Variants in SLC30A6 observed in about 807,000 individuals in gnomAD.
The protein encoded by SLC30A6 is solute carrier family 30 member 6.
Under a neutral mutation model 63.0 loss-of-function variants are expected in SLC30A6, and 55 were observed. The ratio of observed to expected loss-of-function variants is 0.87; its 90% confidence interval spans 0.70 to 1.09. The LOEUF (loss-of-function observed/expected upper bound fraction) is 1.09, where lower values mean the gene tolerates loss of function less well. SLC30A6 is among the 50% of genes least tolerant of loss of function. The pLI is 0.00. For synonymous variants in SLC30A6, 224 were observed against 186.1 expected (o/e 1.20, Z -1.66); for missense variants, 587 against 549.2 (o/e 1.07, Z -0.69).
intron 11 of SLC30A6, among the ~76,000 whole-genome samples, chr2:32,204,928 C>T (rs1213879525): frequency 6.6e-6 from 1 of 151,546 alleles, no homozygotes; most frequent in Non-Finnish European, 1.5e-5. Flanking sequence ...ACCCTCCCAC[C>T]TCAGTCTCCT....
At chr2:32,175,041 A>G (rs1681603764) in intron 3 of SLC30A6, among the ~76,000 whole-genome samples, 2 of 152,072 alleles carry the variant, frequency 1.3e-5, no homozygotes, top group African/African-American at 4.8e-5. Flanking sequence ...CGCTGAGATT[A>G]CAGAAGCAGG....
Position 32,170,126 on chromosome 2 carries a change from GCTT to G in SLC30A6, c.4-1157_4-1155del, listed in dbSNP as rs1466127884. Among the ~76,000 whole-genome samples, 9 of 151,974 alleles carry G rather than the reference GCTT, an allele frequency of 5.9e-5. No homozygotes were observed. In the East Asian group the frequency reaches 1.7e-3, roughly 29 times the overall value. On this transcript the variant is annotated intron_variant, in intron 1 of 13. Transcript: ENST00000282587. ...AATCAATCAATTTTTTTCCTTTAGAGCTTCTTGGGTTTTATGCCCTATTAAGAA... is the reference window on the plus strand; with the variant it reads ...AATCAATCAATTTTTTTCCTTTAGAGCTTGGGTTTTATGCCCTATTAAGAA...
Position 32,174,055 on chromosome 2 carries a change from T to C in SLC30A6, c.91-8T>C, listed in dbSNP as rs758394969. The C allele has an allele frequency of 6.2e-7, 1 of 1,609,618 alleles. No individual in the cohort carries two copies. On this transcript the variant is annotated splice_polypyrimidine_tract_variant and splice_region_variant and intron_variant, in intron 2 of 13. Transcript: ENST00000282587. ...CTGTACACATAAGAGTGATTTTTAT[T>C]TTCACAGTCCTGGAAGATACTGCTC...
chr2:32,200,058 T>C (rs1239961940), intron 10 of SLC30A6, among the ~76,000 whole-genome samples: 1 of 151,706 alleles, frequency 6.6e-6, no homozygotes, highest in Non-Finnish European at 1.5e-5. Flanking sequence ...GAGGAGGTTA[T>C]ATATATATGA....
chr2:32,172,278 A>G (rs149414659), intron 2 of SLC30A6, among the ~76,000 whole-genome samples: 35 of 152,326 alleles, frequency 2.3e-4, no homozygotes, highest in African/African-American at 6.5e-4. Flanking sequence ...GGGCACTCCA[A>G]TTGAAACTCT....
intron 3 of SLC30A6, 46 bp from the exon 4 acceptor site, chr2:32,175,273 T>C: frequency 1.3e-6 from 2 of 1,573,228 alleles, no homozygotes; most frequent in Non-Finnish European, 1.7e-6. Flanking sequence ...TGTATTTTTT[T>C]AGAGGGGTCA....
intron 10 of SLC30A6, chr2:32,201,454 C>A: frequency 2.5e-6 from 1 of 400,396 alleles, no homozygotes; most frequent in Non-Finnish European, 4.6e-6. Context: ...TGATAGATTC[C>A]ATTAGTCTTT....
At chr2:32,212,228 A>T (rs1240350986) in intron 13 of SLC30A6, among the ~76,000 whole-genome samples, 2 of 151,666 alleles carry the variant, frequency 1.3e-5, no homozygotes, top group Non-Finnish European at 2.9e-5. Flanking sequence ...TTGTATTACA[A>T]TTGTCATCTC....
At chr2:32,174,365 T>C (rs994953351) in intron 3 of SLC30A6, among the ~76,000 whole-genome samples, 1 of 152,084 alleles carries the variant, frequency 6.6e-6, no homozygotes, top group Non-Finnish European at 1.5e-5. Flanking sequence ...TTTTAAAATA[T>C]ATTTTAAAAC....
At chr2:32,202,060 A>C in intron 10 of SLC30A6, 1 of 897,606 alleles carries the variant, frequency 1.1e-6, no homozygotes, top group Non-Finnish European at 1.7e-6. Flanking sequence ...AGATAGTTCT[A>C]CTCATGAATC....
intron 5 of SLC30A6, among the ~76,000 whole-genome samples, 184 bp downstream of exon 5, chr2:32,184,522 T>C (rs1682632129): frequency 6.6e-6 from 1 of 152,192 alleles, no homozygotes; most frequent in African/African-American, 2.4e-5. Context: ...CCCAGCACTT[T>C]GGGAGGCTGA....
chr2:32,168,127 G>T (rs1018727192), intron 1 of SLC30A6, among the ~76,000 whole-genome samples: 10 of 151,882 alleles, frequency 6.6e-5, no homozygotes, highest in African/African-American at 1.9e-4. Flanking sequence ...CAGTATTTAA[G>T]GTTTATTTTA....
chr2:32,196,374 ATAT>A, intron 8 of SLC30A6, among the ~76,000 whole-genome samples: 1 of 152,266 alleles, frequency 6.6e-6, no homozygotes, highest in South Asian at 2.1e-4. Context: ...GTGGGAAATA[ATAT>A]TAAGTACTTT....
chr2:32,179,523 A>G (rs560938483), intron 4 of SLC30A6, among the ~76,000 whole-genome samples: 2 of 152,330 alleles, frequency 1.3e-5, no homozygotes, highest in East Asian at 3.9e-4. Context: ...CAGGAGGCCT[A>G]GGGTAGGACC....
chr2:32,212,368 A>G (rs1438529220), intron 13 of SLC30A6, among the ~76,000 whole-genome samples: 1 of 151,918 alleles, frequency 6.6e-6, no homozygotes. Flanking sequence ...AATCTGTTTT[A>G]TAGTCTCTTT....
intron 5 of SLC30A6, among the ~76,000 whole-genome samples, chr2:32,185,884 T>A (rs1682763085): frequency 6.7e-6 from 1 of 148,296 alleles, no homozygotes; most frequent in Admixed American, 6.7e-5. Flanking sequence ...CACGCCTGGC[T>A]CAGTTTTTTT....
At chr2:32,206,955 A>C in intron 12 of SLC30A6, 22 bp downstream of exon 12, 1 of 1,568,822 alleles carries the variant, frequency 6.4e-7, no homozygotes, top group Non-Finnish European at 8.8e-7. Context: ...TAGTAAATAA[A>C]ATCATTTTAT....
intron 2 of SLC30A6, among the ~76,000 whole-genome samples, chr2:32,171,930 G>A (rs529991716): frequency 1.3e-5 from 2 of 152,152 alleles, no homozygotes; most frequent in South Asian, 2.1e-4. Context: ...CCGACCTCAG[G>A]TGATCCGCCC....
chr2:32,172,525 C>A (rs1173819391), intron 2 of SLC30A6, among the ~76,000 whole-genome samples: 1 of 151,946 alleles, frequency 6.6e-6, no homozygotes, highest in African/African-American at 2.4e-5. Context: ...GTATCATTTT[C>A]TTTTATATGT....
Sources: allele counts gnomAD v4.1 joint callset (sites outside exome capture counted in the v4.1 genomes callset), GRCh38; gene constraint gnomAD v4.1.1; transcripts MANE v1.5; gene names NCBI Gene and HGNC (gene_info 2026-07-23, HGNC 2026-07-21).